The following CSMD3 variants were observed in gnomAD, a reference collection of about 807,000 sequenced individuals.
CSMD3 encodes the protein CUB and sushi domain-containing protein 3.
In CSMD3, 177 loss-of-function variants were observed where a neutral mutation model predicts 435.2. The observed-to-expected ratio is 0.41, with a 90% CI of 0.36 to 0.46. CSMD3 has a LOEUF of 0.46. Ranked by LOEUF, CSMD3 falls within the 20% of genes least tolerant of loss-of-function variation. CSMD3 has a pLI of 0.34. For missense variants in CSMD3, 4,265 were observed against 4,504.6 expected, an observed-to-expected ratio of 0.95 and a Z score of 1.52; for synonymous variants, 1,656 against 1,520.5, an observed-to-expected ratio of 1.09 and a Z score of -2.07.
intron 10 of CSMD3, among the ~76,000 whole-genome samples, chr8:112,860,088 A>AC (rs748794128): frequency 1.2e-3 from 179 of 151,944 alleles, no homozygotes; most frequent in Middle Eastern, 3.4e-3. Context: ...CACTTTGAAA[A>AC]TCAGTTGATG....
intron 4 of CSMD3, among the ~76,000 whole-genome samples, chr8:113,154,258 T>C (rs2091890226): frequency 6.6e-6 from 1 of 152,030 alleles, no homozygotes; most frequent in South Asian, 2.1e-4. Flanking sequence ...GGGTGATTAT[T>C]TATAGAATGT....
chr8:112,533,468 G>T (rs190834814), intron 27 of CSMD3, among the ~76,000 whole-genome samples: 341 of 152,036 alleles, frequency 2.2e-3, no homozygotes, highest in Admixed American at 4.4e-3. Flanking sequence ...AGCAAGAGTA[G>T]CTATACTTAG....
chr8:113,107,111 C>A (rs1297998590), intron 4 of CSMD3, among the ~76,000 whole-genome samples: 7 of 152,168 alleles, frequency 4.6e-5, no homozygotes, highest in Admixed American at 3.3e-4. Flanking sequence ...CTGAACATCT[C>A]CAAACCTGCC....
At chr8:113,180,855 TC>T (rs2131928177) in intron 3 of CSMD3, among the ~76,000 whole-genome samples, 1 of 152,082 alleles carries the variant, frequency 6.6e-6, no homozygotes, top group South Asian at 2.1e-4. Context: ...GTAAGCCATT[TC>T]CTTTCCATAA....
chr8:112,328,973 C>A (rs1823774543), intron 45 of CSMD3, among the ~76,000 whole-genome samples: 1 of 152,142 alleles, frequency 6.6e-6, no homozygotes, highest in Non-Finnish European at 1.5e-5. Flanking sequence ...AGAAGTCACT[C>A]TTACTATTTA....
chr8:112,891,421 A>G (rs2081786264), intron 10 of CSMD3, among the ~76,000 whole-genome samples: 1 of 151,632 alleles, frequency 6.6e-6, no homozygotes, highest in South Asian at 2.1e-4. Context: ...TATACCTAGT[A>G]CTTTTAGCTT....
chr8:112,747,658 C>T (rs1434752899), intron 13 of CSMD3, among the ~76,000 whole-genome samples: 1 of 152,070 alleles, frequency 6.6e-6, no homozygotes, highest in African/African-American at 2.4e-5. Flanking sequence ...ATAAACATGG[C>T]TGTGTCTCTA....
chr8:112,634,176 G>A (rs1039684700), intron 22 of CSMD3, among the ~76,000 whole-genome samples: 1 of 151,850 alleles, frequency 6.6e-6, no homozygotes, highest in African/African-American at 2.4e-5. Context: ...ATTCCTAAAA[G>A]TGGACATCTG....
intron 7 of CSMD3, among the ~76,000 whole-genome samples, chr8:112,956,264 C>T (rs1366654953): frequency 7.2e-5 from 11 of 151,958 alleles, no homozygotes; most frequent in Admixed American, 2.0e-4. Flanking sequence ...AAAATGACTA[C>T]ATCCCTCCCA....
intron 9 of CSMD3, among the ~76,000 whole-genome samples, chr8:112,924,914 G>T (rs1363828124): frequency 6.6e-6 from 1 of 152,060 alleles, no homozygotes; most frequent in African/African-American, 2.4e-5. Flanking sequence ...CACATATCAA[G>T]CACTCAGTTA....
At chr8:113,042,504 A>C (rs2087665667) in intron 5 of CSMD3, among the ~76,000 whole-genome samples, 1 of 152,188 alleles carries the variant, frequency 6.6e-6, no homozygotes, top group South Asian at 2.1e-4. Context: ...ATTATAATAT[A>C]ATCTAACGTT....
intron 3 of CSMD3, among the ~76,000 whole-genome samples, chr8:113,180,806 G>A (rs2092412311): frequency 6.6e-6 from 1 of 152,036 alleles, no homozygotes; most frequent in East Asian, 1.9e-4. Context: ...ATAGTTATGT[G>A]ATTCAATTCT....
At position 112,393,818 on chromosome 8, in the gene CSMD3, C is replaced by T. The variant is rs537485727; in HGVS notation, c.5810-3030G>A. Among the ~76,000 whole-genome samples the T allele has an allele frequency of 7.9e-5, 12 of 152,210 alleles. No homozygotes were observed. The South Asian group carries it at 2.1e-3, about 26-fold the overall frequency. The stretch of plus-strand genomic sequence containing the variant: ...TGTTGATCACTCCATCTGTCTTGAG[C>T]CTTTGTTTGCTTGAACATCAGAACA... On this transcript the variant is annotated intron_variant, in intron 35 of 70. Coordinates refer to ENST00000297405, the MANE Select transcript of CSMD3 (RefSeq NM_198123.2).
intron 4 of CSMD3, among the ~76,000 whole-genome samples, chr8:113,132,268 G>A (rs1451806207): frequency 6.6e-6 from 1 of 152,104 alleles, no homozygotes; most frequent in Non-Finnish European, 1.5e-5. Context: ...TGTTGAGAAT[G>A]AATAATTGTA....
chr8:113,269,638 C>T (rs907483457), intron 3 of CSMD3, among the ~76,000 whole-genome samples: 5 of 151,854 alleles, frequency 3.3e-5, no homozygotes, highest in African/African-American at 1.2e-4. Flanking sequence ...CAGAACAGAG[C>T]CCTCAGAAAT....
chr8:112,927,869 A>T (rs1172836202), intron 9 of CSMD3, among the ~76,000 whole-genome samples: 1 of 152,168 alleles, frequency 6.6e-6, no homozygotes, highest in Non-Finnish European at 1.5e-5. Context: ...TGTTGGTTAT[A>T]ATCAGTCTGG....
intron 1 of CSMD3, among the ~76,000 whole-genome samples, chr8:113,358,526 T>A (rs1464298278): frequency 6.6e-6 from 1 of 152,150 alleles, no homozygotes; most frequent in African/African-American, 2.4e-5. Flanking sequence ...CTAATTTTTG[T>A]ATATTTAGTA....
At chr8:113,201,159 G>T (rs2092712549) in intron 3 of CSMD3, among the ~76,000 whole-genome samples, 1 of 151,072 alleles carries the variant, frequency 6.6e-6, no homozygotes, top group Non-Finnish European at 1.5e-5. Flanking sequence ...TCATAGCTCT[G>T]CTAAAAGGAT....
intron 59 of CSMD3, among the ~76,000 whole-genome samples, chr8:112,278,690 C>T (rs1213757922): frequency 6.6e-6 from 1 of 152,098 alleles, no homozygotes; most frequent in African/African-American, 2.4e-5. Context: ...CATGTGGTGT[C>T]CTCCAGTCCA....
Sources: allele counts gnomAD v4.1 joint callset (sites outside exome capture counted in the v4.1 genomes callset), GRCh38; gene constraint gnomAD v4.1.1; transcripts MANE v1.5; gene names NCBI Gene and HGNC (gene_info 2026-07-23, HGNC 2026-07-21).